The following C16orf87 variants were observed in gnomAD, a reference collection of about 807,000 sequenced individuals.
C16orf87 encodes the protein HDAC and MIER1 interacting protein 1, also known as UPF0547 protein C16orf87.
C16orf87 carries 13 observed loss-of-function variants against 21.0 expected under a neutral mutation model. The ratio of observed to expected loss-of-function variants is 0.62; its 90% CI spans 0.40 to 0.98. The LOEUF (loss-of-function observed/expected upper bound fraction) is 0.98, where lower values mean the gene tolerates loss of function less well. Among genes scored for constraint, C16orf87 ranks in the 50% least tolerant of loss-of-function variants. The pLI, the probability that C16orf87 is intolerant of heterozygous loss-of-function variation, is 0.00. For missense variants in C16orf87, 113 were observed against 180.4 expected (o/e 0.63, Z 2.14); for synonymous variants, 49 against 60.2 (o/e 0.81, Z 0.86).
rs1226959901 is a variant in C16orf87, at chr16:46,817,939, A to AAC, written c.163+6446_163+6447insGT. 3.9e-3 allele frequency among the ~76,000 whole-genome samples: 582 copies of AAC among 147,472 alleles called. 2 individuals carry two copies. The highest frequency in any genetic ancestry group is 0.014 in the African/African-American group (546 of 39,672). On this transcript the variant is annotated intron_variant, in intron 2 of 3. Transcript: ENST00000285697. ...AGCAAAAAAAAAAAAAAAAAAAAAAACCACAAAAATCAACTATATAAAAGC... is the reference window on the plus strand; with the variant it reads ...AGCAAAAAAAAAAAAAAAAAAAAAAAACCCACAAAAATCAACTATATAAAAGC...
intron 2 of C16orf87, among the ~76,000 whole-genome samples, chr16:46,814,025 C>T (rs1024575746): frequency 1.3e-5 from 2 of 152,000 alleles, no homozygotes; most frequent in Non-Finnish European, 1.5e-5. Context: ...TTCTCAAAAT[C>T]CCATTGAATG....
At chr16:46,815,795 A>G (rs547726347) in intron 2 of C16orf87, among the ~76,000 whole-genome samples, 14 of 152,348 alleles carry the variant, frequency 9.2e-5, no homozygotes, top group Non-Finnish European at 1.9e-4. Context: ...ACATTTGTAC[A>G]CTGCTGGTAG....
chr16:46,821,046 G>A (rs1352914283), intron 2 of C16orf87, among the ~76,000 whole-genome samples: 1 of 152,090 alleles, frequency 6.6e-6, no homozygotes, highest in Admixed American at 6.5e-5. Flanking sequence ...ACGACATTAA[G>A]CACTTGATAA....
chr16:46,814,473 T>C (rs1358659493), intron 2 of C16orf87, among the ~76,000 whole-genome samples: 1 of 152,194 alleles, frequency 6.6e-6, no homozygotes, highest in Non-Finnish European at 1.5e-5. Context: ...TGAAATACTG[T>C]AAGAGATTTC....
At chr16:46,811,821 G>A (rs1239476583) in intron 2 of C16orf87, among the ~76,000 whole-genome samples, 12 of 152,182 alleles carry the variant, frequency 7.9e-5, no homozygotes, top group Non-Finnish European at 1.6e-4. Context: ...GCTCATGCTT[G>A]TAATCCAAAA....
chr16:46,813,376 G>A (rs1458551684), intron 2 of C16orf87, among the ~76,000 whole-genome samples: 1 of 150,384 alleles, frequency 6.6e-6, no homozygotes, highest in Non-Finnish European at 1.5e-5. Context: ...AAGGTCCACA[G>A]ATACTCCTTG....
rs1048369148 is a variant in C16orf87 at position 46,802,642 on chromosome 16, C to T, written c.*310G>A. 1.0e-5 allele frequency: 2 copies of T among 192,958 alleles called. No homozygotes were observed. The highest frequency in any genetic ancestry group is 2.1e-5 in the Non-Finnish European group (2 of 95,680). The allele number at this position is 192,958 out of a possible 1,614,324, so 12.0% of individuals were successfully genotyped here. ...CCTAGTTTTCATACCTACCCCATACCCCATCACTTTTTATCCTTTAACATC... is the reference window on the plus strand; with the variant it reads ...CCTAGTTTTCATACCTACCCCATACTCCATCACTTTTTATCCTTTAACATC... On this transcript the variant is annotated 3_prime_UTR_variant, in exon 4 of 4. Coordinates refer to ENST00000285697, the MANE Select transcript of C16orf87 (RefSeq NM_001001436.4).
chr16:46,825,615 T>G (rs1247344608), intron 1 of C16orf87, among the ~76,000 whole-genome samples: 1 of 152,126 alleles, frequency 6.6e-6, no homozygotes, highest in Admixed American at 6.5e-5. Flanking sequence ...ACAATTAAAT[T>G]ATTATTGACT....
chr16:46,811,307 C>T (rs1968076129), intron 2 of C16orf87, among the ~76,000 whole-genome samples: 1 of 151,934 alleles, frequency 6.6e-6, no homozygotes, highest in Admixed American at 6.6e-5. Context: ...AGTTCGAGAC[C>T]AGCCTGACCA....
chr16:46,830,994 G>C, intron 1 of C16orf87, 90 bp downstream of exon 1: 1 of 1,021,346 alleles, frequency 9.8e-7, no homozygotes, highest in Non-Finnish European at 1.4e-6. Flanking sequence ...CCCACCGCTC[G>C]GCCTCCGGGA....
chr16:46,811,642 G>A (rs1435092575), intron 2 of C16orf87, among the ~76,000 whole-genome samples: 1 of 151,594 alleles, frequency 6.6e-6, no homozygotes, highest in Non-Finnish European at 1.5e-5. Context: ...CAACTAATAG[G>A]AAAAAGAGGT....
intron 1 of C16orf87, among the ~76,000 whole-genome samples, chr16:46,827,175 C>A (rs963578801): frequency 6.6e-6 from 1 of 152,094 alleles, no homozygotes; most frequent in African/African-American, 2.4e-5. Context: ...ATTCTATAGT[C>A]TGAGTTAATT....
chr16:46,807,661 G>A (rs1967969739), intron 3 of C16orf87, among the ~76,000 whole-genome samples: 2 of 152,098 alleles, frequency 1.3e-5, no homozygotes, highest in Admixed American at 6.6e-5. Context: ...CAGAAAAAGT[G>A]TAATGACTTC....
intron 2 of C16orf87, among the ~76,000 whole-genome samples, chr16:46,817,796 G>A (rs1959248967): frequency 6.6e-6 from 1 of 150,894 alleles, no homozygotes; most frequent in Non-Finnish European, 1.5e-5. Context: ...GTCTTAATTA[G>A]AAGTCAAAGA....
intron 3 of C16orf87, among the ~76,000 whole-genome samples, chr16:46,804,354 G>A (rs74448714): frequency 1.3e-5 from 2 of 152,274 alleles, no homozygotes; most frequent in East Asian, 3.9e-4. Context: ...TGAATCCAAA[G>A]ATCCTTTCTT....
At chr16:46,806,963 T>C (rs1967948966) in intron 3 of C16orf87, among the ~76,000 whole-genome samples, 1 of 152,170 alleles carries the variant, frequency 6.6e-6, no homozygotes, top group Non-Finnish European at 1.5e-5. Flanking sequence ...AAGGAATCAA[T>C]AAAAACCAAC....
rs146202691 is a variant in C16orf87, at chr16:46,797,377, T to A, written c.*5575A>T. ...TTTTTATTTTTTGAGACACAGTGTC[T>A]AGCTCTGTCACTCAGGCTGGAGTGG... On this transcript the variant is annotated 3_prime_UTR_variant, in exon 4 of 4. Transcript: ENST00000285697. The A allele has an allele frequency of 6.6e-6, 1 of 152,358 alleles. No homozygotes were observed. The highest frequency in any genetic ancestry group is 2.4e-5 in the African/African-American group (1 of 41,572). 9.4% of individuals were successfully genotyped at this position (152,358 alleles called of 1,614,324 possible). A position where few individuals can be genotyped will look rare whatever the true frequency, so the allele number is the denominator to read the frequency against.
chr16:46,815,373 G>T (rs899558161), intron 2 of C16orf87, among the ~76,000 whole-genome samples: 26 of 137,918 alleles, frequency 1.9e-4, no homozygotes, highest in African/African-American at 6.9e-4. Context: ...CAAAAGCAAT[G>T]AAAGAAAAAA....
Position 46,824,458 on chromosome 16 carries a change from G to T in C16orf87, c.91C>A (p.Pro31Thr). The part of the protein sequence containing the change: ...QQVPVACKSC[P>T]CGYIFISRKL... ...CTGCTAATAAATATGTAACCACAAG[G>T]ACATGATTTACATGCAACAGGAACC... Residue 31 changes from proline (P) to threonine (T), a missense_variant, in exon 2 of 4, where the codon CCT (proline) becomes ACT (threonine). Transcript: ENST00000285697. 1.9e-6 allele frequency: 3 copies of T among 1,564,806 alleles called. No homozygotes were observed. The highest frequency in any genetic ancestry group is 2.6e-6 in the Non-Finnish European group (3 of 1,147,790).
Sources: allele counts gnomAD v4.1 joint callset (sites outside exome capture counted in the v4.1 genomes callset), GRCh38; gene constraint gnomAD v4.1.1; transcripts MANE v1.5; gene names NCBI Gene and HGNC (gene_info 2026-07-23, HGNC 2026-07-21).